MAP3K20: variants seen among roughly 807,000 people sequenced by gnomAD.
MAP3K20 encodes the protein mitogen-activated protein kinase kinase kinase 20.
In MAP3K20, 40 loss-of-function variants were observed where a neutral mutation model predicts 85.7. The observed-to-expected ratio is 0.47, with a 90% CI of 0.36 to 0.61. The LOEUF (loss-of-function observed/expected upper bound fraction) is 0.61, where lower values mean the gene tolerates loss of function less well. Among genes scored for constraint, MAP3K20 ranks in the 20% least tolerant of loss-of-function variants. The pLI is 0.00. For synonymous variants in MAP3K20, 325 were observed against 327.7 expected, an observed-to-expected ratio of 0.99 and a Z score of 0.09; for missense variants, 817 against 961.7, an observed-to-expected ratio of 0.85 and a Z score of 1.99.
At chr2:173,137,061 T>A (rs1688818259) in intron 2 of MAP3K20, among the ~76,000 whole-genome samples, 2 of 152,232 alleles carry the variant, frequency 1.3e-5, no homozygotes. Flanking sequence ...GTCTTCTCAA[T>A]TTCTCTCCTG....
intron 8 of MAP3K20, among the ~76,000 whole-genome samples, chr2:173,200,892 A>G (rs965151965): frequency 1.3e-5 from 2 of 152,218 alleles, no homozygotes; most frequent in African/African-American, 4.8e-5. Context: ...TCGGCCTCCC[A>G]AAGTGCTGGG....
At chr2:173,108,505 T>C (rs1363650572) in intron 2 of MAP3K20, among the ~76,000 whole-genome samples, 1 of 152,194 alleles carries the variant, frequency 6.6e-6, no homozygotes, top group Non-Finnish European at 1.5e-5. Flanking sequence ...GAAATTGAGA[T>C]CTCTCACTTA....
upstream of MAP3K20, chr2:173,075,605 A>G (rs1376416530): frequency 3.0e-6 from 1 of 334,222 alleles, no homozygotes; most frequent in Non-Finnish European, 4.3e-6. Context: ...ATTTGTCAAA[A>G]AGATGAGTTA....
At chr2:173,230,379 G>T (rs1436528624) in intron 12 of MAP3K20, among the ~76,000 whole-genome samples, 2 of 152,164 alleles carry the variant, frequency 1.3e-5, no homozygotes, top group Admixed American at 1.3e-4. Context: ...GGTAGAGGAG[G>T]ATCTGGTCAA....
At chr2:173,210,852 T>G (rs1683869648) in intron 10 of MAP3K20, 1 of 152,210 alleles carries the variant, frequency 6.6e-6, no homozygotes, top group African/African-American at 2.4e-5. Flanking sequence ...TGTTACTAGA[T>G]ACTTCTTTGG....
chr2:173,222,351 GC>G (rs1429069212), intron 11 of MAP3K20: 14 of 985,752 alleles, frequency 1.4e-5, no homozygotes, highest in Middle Eastern at 5.2e-4. Context: ...TCAAAGTAAA[GC>G]CTGAGCAGTG....
At chr2:173,205,351 T>C (rs544340706) in intron 9 of MAP3K20, among the ~76,000 whole-genome samples, 30 of 152,012 alleles carry the variant, frequency 2.0e-4, no homozygotes, top group African/African-American at 7.0e-4. Flanking sequence ...AGAATGGCCA[T>C]AAAATATACT....
chr2:173,087,659 G>T (rs1687179405), intron 1 of MAP3K20, among the ~76,000 whole-genome samples: 1 of 152,104 alleles, frequency 6.6e-6, no homozygotes, highest in African/African-American at 2.4e-5. Context: ...TTAATAATCA[G>T]TAACATCAGA....
intron 2 of MAP3K20, among the ~76,000 whole-genome samples, chr2:173,117,357 T>C (rs187469940): frequency 1.4e-3 from 217 of 152,206 alleles, no homozygotes; most frequent in African/African-American, 5.1e-3. Context: ...CGGCTCAATG[T>C]AGCCTCAACC....
chr2:173,085,952 T>C (rs1687135256), intron 1 of MAP3K20, among the ~76,000 whole-genome samples: 1 of 151,964 alleles, frequency 6.6e-6, no homozygotes, highest in African/African-American at 2.4e-5. Flanking sequence ...CACGCCACCA[T>C]GCCTGGCTAA....
intron 8 of MAP3K20, among the ~76,000 whole-genome samples, chr2:173,200,549 T>G (rs979267205): frequency 3.3e-5 from 5 of 152,356 alleles, no homozygotes; most frequent in African/African-American, 1.2e-4. Flanking sequence ...CTATAATATC[T>G]ATATCCAAGT....
chr2:173,140,003 T>TTTTATTTATTTA (rs71018535), intron 2 of MAP3K20, among the ~76,000 whole-genome samples: 4 of 150,648 alleles, frequency 2.7e-5, no homozygotes, highest in Non-Finnish European at 5.9e-5. Context: ...CTATACTTAA[T>TTTTATTTATTTA]TTTATTTATT....
At chr2:173,223,879 G>A in intron 11 of MAP3K20, 2 of 985,414 alleles carry the variant, frequency 2.0e-6, no homozygotes, top group Non-Finnish European at 2.4e-6. Context: ...GAGGGCTTGG[G>A]ACTCCTGTCT....
chr2:173,131,455 A>G (rs1688615510), intron 2 of MAP3K20, among the ~76,000 whole-genome samples: 1 of 152,212 alleles, frequency 6.6e-6, no homozygotes, highest in Non-Finnish European at 1.5e-5. Context: ...TAAACTGCCC[A>G]GAGATAGGAA....
chr2:173,187,406 G>A (rs1214701627), intron 4 of MAP3K20, 152 bp from the exon 5 acceptor site: 2 of 600,450 alleles, frequency 3.3e-6, no homozygotes, highest in East Asian at 6.0e-5. Flanking sequence ...TGTTACTAAT[G>A]TAGACATATT....
At chr2:173,164,005 G>A (rs1689740731) in intron 2 of MAP3K20, among the ~76,000 whole-genome samples, 1 of 151,722 alleles carries the variant, frequency 6.6e-6, no homozygotes, top group Non-Finnish European at 1.5e-5. Flanking sequence ...CTGTCGCGAG[G>A]CTGGAGTGCA....
Position 173,266,679 on chromosome 2 carries a change from C to T in MAP3K20, c.2332C>T (p.His778Tyr), listed in dbSNP as rs1166897586. ...AAAAGTGGAATACCGGAAAAAGCCC[C>T]ACAGGCCATCTCCCGCCAAAACCAA... is the stretch of plus-strand genomic sequence containing the variant. ...WTKVEYRKKP[H>Y]RPSPAKTNKE... The change falls in exon 20 of 20, where the codon CAC becomes TAC. Residue 778 changes from histidine to tyrosine, a missense_variant. Transcript: ENST00000375213. The T allele has an allele frequency of 1.2e-6, 2 of 1,606,086 alleles. No individual in the cohort carries two copies. Among genetic ancestry groups the T allele is most frequent in the Admixed American group, 1.7e-5 (1 of 58,796 alleles).
upstream of MAP3K20, chr2:173,075,637 A>C (rs930788249): frequency 1.1e-5 from 7 of 627,142 alleles, no homozygotes; most frequent in African/African-American, 1.4e-4. Flanking sequence ...GCGAGGGGGA[A>C]CACCCCCACG....
At chr2:173,147,968 G>A (rs1201963550) in intron 2 of MAP3K20, among the ~76,000 whole-genome samples, 1 of 152,186 alleles carries the variant, frequency 6.6e-6, no homozygotes, top group Admixed American at 6.5e-5. Flanking sequence ...AAAGTTGTCT[G>A]ATTTTGTTTG....
Sources: allele counts gnomAD v4.1 joint callset (sites outside exome capture counted in the v4.1 genomes callset), GRCh38; gene constraint gnomAD v4.1.1; transcripts MANE v1.5; gene names NCBI Gene and HGNC (gene_info 2026-07-23, HGNC 2026-07-21).